Variants in MARCHF4 observed in about 807,000 individuals in gnomAD.
The protein encoded by MARCHF4 is membrane associated ring-CH-type finger 4.
MARCHF4 carries 14 observed loss-of-function variants against 43.9 expected under a neutral mutation model. That is an observed-to-expected ratio of 0.32 (90% confidence interval 0.21 to 0.50). MARCHF4 has a LOEUF of 0.50. MARCHF4 is among the 20% of genes least tolerant of loss of function. The pLI, the probability that MARCHF4 is intolerant of heterozygous loss-of-function variation, is 0.98. For missense variants in MARCHF4, 468 were observed against 536.7 expected, an observed-to-expected ratio of 0.87 and a Z score of 1.27; for synonymous variants, 226 against 213.3, an observed-to-expected ratio of 1.06 and a Z score of -0.52.
intron 1 of MARCHF4, among the ~76,000 whole-genome samples, chr2:216,367,468 A>C (rs1692684855): frequency 1.3e-5 from 2 of 152,160 alleles, no homozygotes; most frequent in African/African-American, 4.8e-5. Context: ...AATGAGAAGA[A>C]ACTGGGAAAC....
chr2:216,360,301 C>T (rs1692556961), intron 1 of MARCHF4, among the ~76,000 whole-genome samples: 2 of 152,112 alleles, frequency 1.3e-5, no homozygotes, highest in South Asian at 4.1e-4. Context: ...AAATGTCTCA[C>T]ATTTCTATTT....
At chr2:216,316,377 C>T (rs1172887390) in intron 1 of MARCHF4, among the ~76,000 whole-genome samples, 1 of 152,172 alleles carries the variant, frequency 6.6e-6, no homozygotes, top group African/African-American at 2.4e-5. Context: ...TATCTTCCTC[C>T]TAGTCCCTCT....
chr2:216,355,966 C>T (rs1182526464), intron 1 of MARCHF4, among the ~76,000 whole-genome samples: 1 of 152,242 alleles, frequency 6.6e-6, no homozygotes, highest in Non-Finnish European at 1.5e-5. Context: ...TACACTCATT[C>T]ACCTGCCGCT....
At chr2:216,354,918 T>TTTCTTTCTTTCTTTCTTTCTTC (rs1559106555) in intron 1 of MARCHF4, among the ~76,000 whole-genome samples, 1 of 94,440 alleles carries the variant, frequency 1.1e-5, no homozygotes, top group Non-Finnish European at 2.3e-5. Flanking sequence ...TTTCTTTCTT[T>TTTCTTTCTTTCTTTCTTTCTTC]CTTTCTTTCT....
At chr2:216,337,108 T>C (rs1038528241) in intron 1 of MARCHF4, among the ~76,000 whole-genome samples, 2 of 149,626 alleles carry the variant, frequency 1.3e-5, no homozygotes, top group Non-Finnish European at 3.0e-5. Context: ...GCTGAGATCA[T>C]GCCACTGCAC....
At chr2:216,269,993 G>T (rs1690906947) in intron 3 of MARCHF4, among the ~76,000 whole-genome samples, 1 of 152,098 alleles carries the variant, frequency 6.6e-6, no homozygotes, top group African/African-American at 2.4e-5. Context: ...AAAACCCACA[G>T]CTTCAAACAC....
intron 1 of MARCHF4, among the ~76,000 whole-genome samples, chr2:216,288,307 G>C (rs1191526863): frequency 1.3e-5 from 2 of 152,226 alleles, no homozygotes; most frequent in African/African-American, 2.4e-5. Context: ...GTTTGACACA[G>C]TGCATGGCAC....
chr2:216,330,353 A>G (rs1316787005), intron 1 of MARCHF4, among the ~76,000 whole-genome samples: 1 of 152,202 alleles, frequency 6.6e-6, no homozygotes, highest in Non-Finnish European at 1.5e-5. Flanking sequence ...TCATATCACT[A>G]AAAGTATATA....
chr2:216,282,042 A>G (rs1222867670), intron 2 of MARCHF4, among the ~76,000 whole-genome samples: 1 of 152,128 alleles, frequency 6.6e-6, no homozygotes, highest in Non-Finnish European at 1.5e-5. Context: ...CTGGCTGAAA[A>G]GGAAGGGGAG....
At chr2:216,303,004 C>T (rs1691517305) in intron 1 of MARCHF4, among the ~76,000 whole-genome samples, 1 of 151,688 alleles carries the variant, frequency 6.6e-6, no homozygotes, top group Admixed American at 6.6e-5. Context: ...AAAATCACAC[C>T]TCAATTCCAT....
At chr2:216,280,563 C>T (rs1352774061) in intron 2 of MARCHF4, among the ~76,000 whole-genome samples, 1 of 152,166 alleles carries the variant, frequency 6.6e-6, no homozygotes, top group African/African-American at 2.4e-5. Flanking sequence ...TAAACCAGTG[C>T]TTTGAAGGGC....
At chr2:216,308,722 C>T (rs941175679) in intron 1 of MARCHF4, among the ~76,000 whole-genome samples, 10 of 152,280 alleles carry the variant, frequency 6.6e-5, no homozygotes, top group Admixed American at 2.0e-4. Context: ...CAGACTATGA[C>T]GTATGCGTGC....
At chr2:216,316,025 TAGACAC>T (rs1466713256) in intron 1 of MARCHF4, among the ~76,000 whole-genome samples, 3 of 152,230 alleles carry the variant, frequency 2.0e-5, no homozygotes, top group Non-Finnish European at 4.4e-5. Flanking sequence ...ATCCCTGGTT[TAGACAC>T]AGTCACCATC....
intron 1 of MARCHF4, among the ~76,000 whole-genome samples, chr2:216,296,016 A>T (rs1297434921): frequency 1.3e-5 from 2 of 152,148 alleles, no homozygotes; most frequent in African/African-American, 4.8e-5. Context: ...CATGGTGGCA[A>T]ATGCCTGTAA....
At chr2:216,263,828 C>A (rs1690799221) in intron 3 of MARCHF4, among the ~76,000 whole-genome samples, 1 of 152,032 alleles carries the variant, frequency 6.6e-6, no homozygotes, top group Admixed American at 6.5e-5. Context: ...TAATGATGGA[C>A]CATGAAGTGC....
intron 1 of MARCHF4, among the ~76,000 whole-genome samples, chr2:216,326,606 A>G (rs572174666): frequency 2.0e-5 from 3 of 152,280 alleles, no homozygotes; most frequent in Non-Finnish European, 4.4e-5. Context: ...TGTGGCACAT[A>G]TACACCGTGG....
In MARCHF4 at chr2:216,259,602, G is replaced by T. The variant is rs762387337; in HGVS notation, c.943C>A (p.Leu315Met). 1 of 1,614,186 alleles carries T rather than the reference G, an allele frequency of 6.2e-7. No individual in the cohort carries two copies. The highest frequency in any genetic ancestry group is 1.1e-5 in the South Asian group (1 of 91,080). ...AGGTCTTTTGTCTTGTCATAGTTCA[G>T]CACTTTCCACTGCTGGTTGACAGCC... ...WQAVNQQWKV[L>M]NYDKTKDLED... Residue 315 changes from leucine to methionine, a missense_variant, in exon 4 of 4, where the codon CTG (leucine) becomes ATG (methionine). Coordinates refer to ENST00000273067, the MANE Select transcript of MARCHF4 (RefSeq NM_020814.3).
intron 1 of MARCHF4, among the ~76,000 whole-genome samples, chr2:216,286,277 C>T (rs756287286): frequency 3.3e-5 from 5 of 152,182 alleles, no homozygotes; most frequent in East Asian, 1.9e-4. Context: ...CAGTGGCTCA[C>T]GCCTGTAATG....
chr2:216,274,432 T>C (rs1014416523), intron 3 of MARCHF4, among the ~76,000 whole-genome samples: 3 of 152,118 alleles, frequency 2.0e-5, no homozygotes, highest in Non-Finnish European at 4.4e-5. Context: ...TCTACCCGAT[T>C]CTCCCTCCAG....
Sources: allele counts gnomAD v4.1 joint callset (sites outside exome capture counted in the v4.1 genomes callset), GRCh38; gene constraint gnomAD v4.1.1; transcripts MANE v1.5; gene names NCBI Gene and HGNC (gene_info 2026-07-23, HGNC 2026-07-21).